MYO5B: variants seen among roughly 807,000 people sequenced by gnomAD.
MYO5B encodes myosin VB.
MYO5B carries 143 observed loss-of-function variants against 229.3 expected under a neutral mutation model. The ratio of observed to expected loss-of-function variants is 0.62; its 90% CI spans 0.54 to 0.72. The LOEUF (loss-of-function observed/expected upper bound fraction) is 0.72. Ranked by LOEUF, MYO5B falls within the 30% of genes least tolerant of loss-of-function variation. MYO5B has a pLI of 0.00. For missense variants in MYO5B, 2,321 were observed against 2,331.0 expected (o/e 1.00, Z 0.09); for synonymous variants, 918 against 885.2 (o/e 1.04, Z -0.66).
chr18:49,936,063 GGACAGCA>G (rs1344251479), intron 16 of MYO5B, among the ~76,000 whole-genome samples, 182 bp downstream of exon 16: 2 of 152,202 alleles, frequency 1.3e-5, no homozygotes, highest in African/African-American at 4.8e-5. Flanking sequence ...AAGACCTCCT[GGACAGCA>G]GACTGGTGGC....
chr18:49,999,663 T>C (rs2026025218), intron 5 of MYO5B, among the ~76,000 whole-genome samples: 1 of 149,562 alleles, frequency 6.7e-6, no homozygotes, highest in South Asian at 2.1e-4. Context: ...CCTTTCATTC[T>C]TTCACATTTT....
intron 19 of MYO5B, among the ~76,000 whole-genome samples, chr18:49,905,329 TCTC>T (rs2024887306): frequency 6.6e-6 from 1 of 152,220 alleles, no homozygotes; most frequent in South Asian, 2.1e-4. Context: ...GTTTCCTTTA[TCTC>T]CTCAACCCTT....
At chr18:49,933,380 C>T (rs2025215678) in intron 16 of MYO5B, among the ~76,000 whole-genome samples, 1 of 152,240 alleles carries the variant, frequency 6.6e-6, no homozygotes, top group Non-Finnish European at 1.5e-5. Context: ...TTACTTGTGA[C>T]AGACAATTCC....
intron 20 of MYO5B, 54 bp downstream of exon 20, chr18:49,904,618 T>C: frequency 1.2e-6 from 2 of 1,610,962 alleles, no homozygotes; most frequent in Non-Finnish European, 1.7e-6. Context: ...AATTCATCTG[T>C]TGCCACTTTA....
At chr18:49,983,305 T>C (rs1347729810) in intron 8 of MYO5B, among the ~76,000 whole-genome samples, 1 of 152,154 alleles carries the variant, frequency 6.6e-6, no homozygotes, top group East Asian at 1.9e-4. Flanking sequence ...TCCATAGTTA[T>C]CATGATTTAT....
rs1232641140 is a variant in MYO5B, at chr18:49,939,152, T to TC, written c.1753-1756_1753-1755insG. Among the ~76,000 whole-genome samples, 93 of 147,502 alleles carry TC rather than the reference T, an allele frequency of 6.3e-4. 1 individual carries two copies. The highest frequency in any genetic ancestry group is 1.7e-3 in the African/African-American group (68 of 40,194). ...TTAACACTCTTTCTTTTTTTTCTTT[T>TC]TTTTTTTTTTTTTTGAAACAGTCTC... On this transcript the variant is annotated intron_variant, in intron 14 of 39. Coordinates refer to ENST00000285039, the MANE Select transcript of MYO5B (RefSeq NM_001080467.3).
intron 17 of MYO5B, among the ~76,000 whole-genome samples, chr18:49,922,414 C>T (rs1307910732): frequency 6.6e-6 from 1 of 152,152 alleles, no homozygotes; most frequent in Non-Finnish European, 1.5e-5. Context: ...TGCCCTCTCA[C>T]CGCTCATCCT....
intron 17 of MYO5B, among the ~76,000 whole-genome samples, chr18:49,913,280 A>G (rs531846471): frequency 6.6e-6 from 1 of 152,306 alleles, no homozygotes; most frequent in South Asian, 2.1e-4. Context: ...CAAATCTGCT[A>G]TTTCCAGGTA....
chr18:49,992,441 CCAGA>C lies in MYO5B; in HGVS notation c.613-14_613-11del, dbSNP rs2025943800. On this transcript the variant is annotated splice_polypyrimidine_tract_variant and intron_variant, in intron 5 of 39. Coordinates refer to ENST00000285039, the MANE Select transcript of MYO5B (RefSeq NM_001080467.3). ...TGGCATTTCCAATGGCCTGCACAGA[CCAGA>C]CAGACAAAGGTATGAAAAAAAAAGA... 2.5e-6 allele frequency: 4 copies of C among 1,613,944 alleles called. No homozygotes were observed. The highest frequency in any genetic ancestry group is 4.5e-5 in the East Asian group (2 of 44,870).
At chr18:49,858,623 CG>C (rs1455302779) in intron 29 of MYO5B, among the ~76,000 whole-genome samples, 2 of 152,222 alleles carry the variant, frequency 1.3e-5, no homozygotes, top group Non-Finnish European at 2.9e-5. Flanking sequence ...GGGTGGGGCA[CG>C]CGAAGCTGAC....
chr18:49,934,809 T>C (rs1047863369), intron 16 of MYO5B, among the ~76,000 whole-genome samples: 9 of 152,240 alleles, frequency 5.9e-5, no homozygotes, highest in Non-Finnish European at 1.2e-4. Flanking sequence ...AGAGCCCATC[T>C]GAATGGAAGC....
intron 4 of MYO5B, among the ~76,000 whole-genome samples, chr18:50,007,834 C>T (rs548854786): frequency 2.6e-5 from 4 of 152,310 alleles, no homozygotes; most frequent in African/African-American, 9.6e-5. Context: ...TTATGAGACT[C>T]TTAGTATATA....
chr18:49,837,395 G>C (rs928602351), intron 37 of MYO5B, 122 bp downstream of exon 37: 6 of 1,224,908 alleles, frequency 4.9e-6, no homozygotes, highest in Middle Eastern at 2.2e-4. Context: ...GACTGATGGA[G>C]ACAAGGACTG....
chr18:50,119,032 A>G (rs905081850), intron 1 of MYO5B, among the ~76,000 whole-genome samples: 7 of 152,174 alleles, frequency 4.6e-5, no homozygotes, highest in African/African-American at 1.4e-4. Flanking sequence ...AATGATCAAG[A>G]GCTCTTCAAA....
rs913091580 is a variant in MYO5B, at chr18:50,159,220, C to T, written c.27+35547G>A. 6.6e-5 allele frequency among the ~76,000 whole-genome samples: 10 copies of T among 152,286 alleles called. No individual in the cohort carries two copies. In the East Asian group the frequency reaches 1.5e-3, roughly 23 times the overall value. ...TAACCCAGGGAAGATCTCCTGACTC[C>T]TAAGAAATCATGCAAAGGTTGAAGC... On this transcript the variant is annotated intron_variant, in intron 1 of 39. Coordinates refer to ENST00000285039, the MANE Select transcript of MYO5B (RefSeq NM_001080467.3).
intron 4 of MYO5B, among the ~76,000 whole-genome samples, chr18:50,013,066 C>T (rs1167454434): frequency 6.6e-6 from 1 of 152,132 alleles, no homozygotes; most frequent in Non-Finnish European, 1.5e-5. Flanking sequence ...GTACAATGTC[C>T]CAAAGTCTGT....
chr18:49,948,191 C>G (rs921459655), intron 14 of MYO5B, among the ~76,000 whole-genome samples: 2 of 152,146 alleles, frequency 1.3e-5, no homozygotes, highest in Admixed American at 1.3e-4. Flanking sequence ...TAAAATAAGA[C>G]ATAGTATAAG....
At chr18:50,104,167 T>TAAAAAAAAGAA (rs144294604) in intron 1 of MYO5B, among the ~76,000 whole-genome samples, 1 of 131,488 alleles carries the variant, frequency 7.6e-6, no homozygotes, top group Admixed American at 8.0e-5. Flanking sequence ...ACTTGTCTAT[T>TAAAAAAAAGAA]AAAAAGAAAA....
At chr18:49,843,191 G>A in intron 34 of MYO5B, 50 bp downstream of exon 34, 2 of 1,608,568 alleles carry the variant, frequency 1.2e-6, no homozygotes, top group African/African-American at 1.3e-5. Flanking sequence ...GTAAGGGGCT[G>A]GCTTCACTCT....
Sources: gnomAD v4.1 joint callset for allele counts (sites outside exome capture counted in the v4.1 genomes callset) on GRCh38, gnomAD v4.1.1 for gene constraint, MANE v1.5 for transcripts, NCBI Gene and HGNC (gene_info 2026-07-23, HGNC 2026-07-21) for gene names.